SLC22A23: variants seen among roughly 807,000 people sequenced by gnomAD.
SLC22A23 encodes ion transporter protein.
In SLC22A23, 26 loss-of-function variants were observed where a neutral mutation model predicts 61.0. The ratio of observed to expected loss-of-function variants is 0.43; its 90% CI spans 0.31 to 0.59. The LOEUF is 0.59. SLC22A23 is among the 20% of genes least tolerant of loss of function. The pLI is 0.11. For synonymous variants in SLC22A23, 430 were observed against 413.9 expected (o/e 1.04, Z -0.47); for missense variants, 796 against 934.7 (o/e 0.85, Z 1.94).
chr6:3,445,202 T>C (rs1411821091), intron 1 of SLC22A23, among the ~76,000 whole-genome samples: 1 of 151,762 alleles, frequency 6.6e-6, no homozygotes, highest in Non-Finnish European at 1.5e-5. Flanking sequence ...TTGCCCCCCT[T>C]TATTTTTTTT....
chr6:3,348,143 G>C (rs1459807672), intron 3 of SLC22A23, among the ~76,000 whole-genome samples: 1 of 152,226 alleles, frequency 6.6e-6, no homozygotes, highest in African/African-American at 2.4e-5. Flanking sequence ...GGAGGAAAGA[G>C]ACATTCTTTT....
At chr6:3,363,477 A>T (rs1011764567) in intron 3 of SLC22A23, among the ~76,000 whole-genome samples, 10 of 152,224 alleles carry the variant, frequency 6.6e-5, no homozygotes, top group African/African-American at 2.4e-4. Flanking sequence ...GATGGAAAAG[A>T]ATGAGCAGGA....
At chr6:3,444,074 G>A (rs1317087579) in intron 1 of SLC22A23, among the ~76,000 whole-genome samples, 3 of 152,178 alleles carry the variant, frequency 2.0e-5, no homozygotes, top group African/African-American at 7.2e-5. Flanking sequence ...AGACCGAAGA[G>A]AGGTCTGACA....
chr6:3,366,332 C>CAAAAAAAAAAAA (rs11387672), intron 3 of SLC22A23, among the ~76,000 whole-genome samples: 79 of 74,122 alleles, frequency 1.1e-3, no homozygotes, highest in Non-Finnish European at 1.3e-3. Context: ...GACTCTGTCT[C>CAAAAAAAAAAAA]AAAAAAAAAA....
Position 3,318,970 on chromosome 6 carries a change from A to C in SLC22A23, c.1082+4864T>G, listed in dbSNP as rs1233501166. Among the ~76,000 whole-genome samples, 2 of 152,072 alleles carry C rather than the reference A, an allele frequency of 1.3e-5. No homozygotes were observed. Among genetic ancestry groups the C allele is most frequent in the Non-Finnish European group, 2.9e-5 (2 of 68,014 alleles). On this transcript the variant is annotated intron_variant, in intron 4 of 9. Coordinates refer to ENST00000406686, the MANE Select transcript of SLC22A23 (RefSeq NM_015482.2). This position sits in a 1 kb window ranked among gnomAD's most constrained non-coding sequence, Gnocchi z 4.3. ...CTCTCGAATCAGCCCTCTGCAGGTG[A>C]CACCCAGCCTTCCCCAGTGCAGGCA...
At chr6:3,299,639 C>G (rs1761438357) in intron 4 of SLC22A23, among the ~76,000 whole-genome samples, 1 of 152,234 alleles carries the variant, frequency 6.6e-6, no homozygotes, top group Non-Finnish European at 1.5e-5. Context: ...CGTGACTGCG[C>G]AGAGCAGGAG....
Position 3,456,368 on chromosome 6 carries a change from C to T in SLC22A23, c.192G>A (p.Pro64=), listed in dbSNP as rs373921448. ...PPLHPGGGPH[P]SCCSAAAAPS... ...GGGCCGCAGCCGCGGAGCAGCAGCT[C>T]GGGTGCGGGCCGCCTCCAGGATGCA... Residue 64 remains proline, a synonymous_variant, in exon 1 of 10, where the codon CCG becomes CCA. Coordinates refer to ENST00000406686, the MANE Select transcript of SLC22A23 (RefSeq NM_015482.2). This position sits in a 1 kb window ranked among gnomAD's most constrained non-coding sequence, Gnocchi z 7.1. 1.4e-3 allele frequency: 2,171 copies of T among 1,542,872 alleles called. 44 individuals carry two copies. In the South Asian group the frequency reaches 0.02, roughly 15 times the overall value.
intron 1 of SLC22A23, among the ~76,000 whole-genome samples, chr6:3,441,657 A>C (rs9328174): frequency 0.54 from 81,911 of 152,038 alleles, 22,375 homozygotes; most frequent in Middle Eastern, 0.74. Context: ...TTCTTGGGCC[A>C]AGGCACCTCA....
At chr6:3,445,828 C>T (rs553447590) in intron 1 of SLC22A23, among the ~76,000 whole-genome samples, 26 of 152,104 alleles carry the variant, frequency 1.7e-4, no homozygotes, top group Non-Finnish European at 3.2e-4. Flanking sequence ...GGAGGGGTGG[C>T]AGGGGAGGAG....
At chr6:3,283,678 C>T (rs1170259148) in intron 9 of SLC22A23, 174 bp downstream of exon 9, 4 of 1,124,500 alleles carry the variant, frequency 3.6e-6, no homozygotes, top group Non-Finnish European at 1.3e-6. Flanking sequence ...CTCACTGCCT[C>T]TTGGGCGCCT....
intron 3 of SLC22A23, among the ~76,000 whole-genome samples, chr6:3,356,626 C>T (rs571975333): frequency 1.3e-5 from 2 of 152,262 alleles, no homozygotes; most frequent in East Asian, 1.9e-4. Context: ...CCACGTGAAA[C>T]ATTTCTTCCT....
At position 3,410,204 on chromosome 6, in the gene SLC22A23, G is replaced by A. The variant is rs1229878581; in HGVS notation, c.897C>T (p.Leu299=). Residue 299 remains leucine, a synonymous_variant, in exon 3 of 10, where the codon CTC becomes CTT. Coordinates refer to ENST00000406686, the MANE Select transcript of SLC22A23 (RefSeq NM_015482.2). This position sits in a 1 kb window ranked among gnomAD's most constrained non-coding sequence, Gnocchi z 5.0. The part of the protein sequence containing the change: ...FEGFCLAGII[L]TLYALRIELC... ...CCTACTTACGTAAAGCATACAAGGT[G>A]AGAATGATTCCAGCCAGGCAAAATC... 5 of 1,613,172 alleles carry A rather than the reference G, an allele frequency of 3.1e-6. No homozygotes were observed. The highest frequency in any genetic ancestry group is 4.2e-6 in the Non-Finnish European group (5 of 1,179,720).
At chr6:3,323,615 G>A (rs1763095636) in intron 4 of SLC22A23, 2 of 620,170 alleles carry the variant, frequency 3.2e-6, no homozygotes. Context: ...TGGGTGATGG[G>A]CTCATTCCAC....
In SLC22A23 at chr6:3,427,056, G is replaced by C. The variant is rs1466488588; in HGVS notation, c.655-11201C>G. 6.6e-6 allele frequency among the ~76,000 whole-genome samples: 1 copy of C among 152,238 alleles called. No individual in the cohort carries two copies. The highest frequency in any genetic ancestry group is 2.4e-5 in the African/African-American group (1 of 41,458). On this transcript the variant is annotated intron_variant, in intron 1 of 9. Transcript: ENST00000406686. This position sits in a 1 kb window ranked among gnomAD's most constrained non-coding sequence, Gnocchi z 4.3. ...ATGTGCTGTCAAGCACAGCTGGGAT[G>C]CAGGCTAAGAGCTCGGAGTTTGAGC...
At chr6:3,292,467 G>A (rs924237585) in intron 5 of SLC22A23, among the ~76,000 whole-genome samples, 5 of 152,160 alleles carry the variant, frequency 3.3e-5, no homozygotes, top group Non-Finnish European at 5.9e-5. Flanking sequence ...TTGCTGCTGC[G>A]AGCACCCAGC....
At chr6:3,274,471 T>C (rs113410482) in intron 9 of SLC22A23, among the ~76,000 whole-genome samples, 1 of 152,310 alleles carries the variant, frequency 6.6e-6, no homozygotes, top group African/African-American at 2.4e-5. Context: ...TCTAATGGGC[T>C]GCTCGTTAGG....
chr6:3,444,117 C>T (rs970093741), intron 1 of SLC22A23, among the ~76,000 whole-genome samples: 4 of 152,142 alleles, frequency 2.6e-5, no homozygotes, highest in South Asian at 2.1e-4. Context: ...CATGGGTGGG[C>T]GCGTGCTGGC....
rs534764259 is a variant in SLC22A23, at chr6:3,330,574, C to T, written c.914-6572G>A. Among the ~76,000 whole-genome samples the T allele has an allele frequency of 2.6e-5, 4 of 152,358 alleles. No homozygotes were observed. In the South Asian group the frequency reaches 6.2e-4, roughly 24 times the overall value. On this transcript the variant is annotated intron_variant, in intron 3 of 9. Coordinates refer to ENST00000406686, the MANE Select transcript of SLC22A23 (RefSeq NM_015482.2). The surrounding 1 kb of genome is among the most constrained non-coding windows in gnomAD (Gnocchi z 4.7). ...ATAATTACTGCCACAGGCAAGGACG[C>T]ATGGCCCCCAGAATCCTGGAAAATA... is the stretch of plus-strand genomic sequence containing the variant.
chr6:3,456,425 G>A lies in SLC22A23; in HGVS notation c.135C>T (p.Gly45=). The change falls in exon 1 of 10, where the codon GGC becomes GGT. Residue 45 remains glycine, a synonymous_variant. Coordinates refer to ENST00000406686, the MANE Select transcript of SLC22A23 (RefSeq NM_015482.2). The surrounding 1 kb of genome is among the most constrained non-coding windows in gnomAD (Gnocchi z 7.1). ...GCAGCGGCTGGATCTCCGCGCCGCC[G>A]CCGGGGCCCGCGCGTCCCCCGAGGG... The part of the protein sequence containing the change: ...SAPLGGRAGP[G]GGAEIQPLPP... 2 of 1,339,752 alleles carry A rather than the reference G, an allele frequency of 1.5e-6. No individual in the cohort carries two copies. Among genetic ancestry groups the A allele is most frequent in the Non-Finnish European group, 1.9e-6 (2 of 1,047,422 alleles). 83.0% of individuals were successfully genotyped at this position (1,339,752 alleles called of 1,614,324 possible). A position where few individuals can be genotyped will look rare whatever the true frequency, so the allele number is the denominator to read the frequency against.
Sources: gnomAD v4.1 joint callset for allele counts (sites outside exome capture counted in the v4.1 genomes callset) on GRCh38, gnomAD v4.1.1 for gene constraint, Gnocchi (gnomAD v3.1) non-coding constraint, MANE v1.5 for transcripts, NCBI Gene and HGNC (gene_info 2026-07-23, HGNC 2026-07-21) for gene names.